The following TENM4 variants were observed in gnomAD, a reference collection of about 807,000 sequenced individuals.
TENM4 encodes the protein teneurin-4.
Under a neutral mutation model 243.3 loss-of-function variants are expected in TENM4, and 82 were observed. The observed-to-expected ratio is 0.34, with a 90% CI of 0.28 to 0.40. The LOEUF (loss-of-function observed/expected upper bound fraction) is 0.40, where lower values mean the gene tolerates loss of function less well. Among genes scored for constraint, TENM4 ranks in the 10% least tolerant of loss-of-function variants. TENM4 has a pLI of 1.00. For synonymous variants in TENM4, 1,412 were observed against 1,456.3 expected, an observed-to-expected ratio of 0.97 and a Z score of 0.69; for missense variants, 3,138 against 3,673.3, an observed-to-expected ratio of 0.85 and a Z score of 3.77.
intron 12 of TENM4, among the ~76,000 whole-genome samples, chr11:78,817,772 G>GGT (rs1428560833): frequency 1.3e-5 from 2 of 152,210 alleles, no homozygotes; most frequent in Non-Finnish European, 2.9e-5. Flanking sequence ...CTGGCTTCCA[G>GGT]GTGTTGTCCT....
At chr11:79,263,053 G>A (rs984127817) in intron 2 of TENM4, among the ~76,000 whole-genome samples, 1 of 152,188 alleles carries the variant, frequency 6.6e-6, no homozygotes, top group Non-Finnish European at 1.5e-5. Context: ...AGAGGAAGAT[G>A]GAAAGCATTT....
chr11:79,029,574 C>A (rs7931496), intron 6 of TENM4, among the ~76,000 whole-genome samples: 1 of 151,928 alleles, frequency 6.6e-6, no homozygotes, highest in Admixed American at 6.6e-5. Flanking sequence ...TCTTGGAAAC[C>A]CAAGAGCCCC....
chr11:79,098,590 G>A (rs1274689957), intron 4 of TENM4, among the ~76,000 whole-genome samples: 3 of 152,158 alleles, frequency 2.0e-5, no homozygotes, highest in Non-Finnish European at 2.9e-5. Flanking sequence ...TCGAGTAACC[G>A]GGAGCTCATG....
intron 1 of TENM4, among the ~76,000 whole-genome samples, chr11:79,333,633 T>C (rs1039293954): frequency 3.9e-5 from 6 of 152,182 alleles, no homozygotes; most frequent in Admixed American, 6.5e-5. Context: ...ACCATAACAA[T>C]TGTTTTCACA....
chr11:79,077,809 G>C lies in TENM4; in HGVS notation c.-65-7800C>G, dbSNP rs146175753. Among the ~76,000 whole-genome samples, 310 of 152,344 alleles carry C rather than the reference G, an allele frequency of 2.0e-3. 2 individuals are homozygous for C. The highest frequency in any genetic ancestry group is 3.1e-3 in the Non-Finnish European group (209 of 68,026). On this transcript the variant is annotated intron_variant, in intron 4 of 33. Transcript: ENST00000278550. ...CCTACATGGTAAATGTAAGTGGACA[G>C]TAAAATGCAAAATGCATGTGGCAGA...
At chr11:79,242,050 A>G (rs1214398162) in intron 2 of TENM4, among the ~76,000 whole-genome samples, 1 of 152,202 alleles carries the variant, frequency 6.6e-6, no homozygotes, top group Non-Finnish European at 1.5e-5. Context: ...CTCAATTAAG[A>G]TCAGTTAGAA....
chr11:79,404,484 TAC>T (rs538953352), intron 1 of TENM4, among the ~76,000 whole-genome samples: 1 of 152,300 alleles, frequency 6.6e-6, no homozygotes, highest in South Asian at 2.1e-4. Context: ...GCTGAATAGG[TAC>T]AGTTTCCTTT....
At chr11:79,256,840 A>G (rs1431436063) in intron 2 of TENM4, among the ~76,000 whole-genome samples, 1 of 152,170 alleles carries the variant, frequency 6.6e-6, no homozygotes, top group East Asian at 1.9e-4. Context: ...GTGGAAACTC[A>G]GTTACGTTAC....
chr11:79,402,676 C>G (rs1472588682), intron 1 of TENM4, among the ~76,000 whole-genome samples: 2 of 152,268 alleles, frequency 1.3e-5, no homozygotes, highest in East Asian at 3.9e-4. Flanking sequence ...ACAAACACCT[C>G]TCCTCTGCAG....
chr11:78,783,625 C>T (rs772945330), intron 16 of TENM4, among the ~76,000 whole-genome samples: 1 of 152,118 alleles, frequency 6.6e-6, no homozygotes, highest in African/African-American at 2.4e-5. Context: ...TTACCAAAGA[C>T]CCTTCTTCAA....
chr11:78,848,301 C>G (rs1858451009), intron 12 of TENM4, among the ~76,000 whole-genome samples: 1 of 152,116 alleles, frequency 6.6e-6, no homozygotes, highest in Non-Finnish European at 1.5e-5. Context: ...GCGATAGTGC[C>G]TAATACTTAA....
chr11:78,975,155 G>A (rs965429432), intron 6 of TENM4, among the ~76,000 whole-genome samples: 9 of 146,828 alleles, frequency 6.1e-5, no homozygotes, highest in Admixed American at 6.1e-4. Context: ...GAGAAAAGCT[G>A]TGAGGGAGGT....
At chr11:79,068,960 C>T (rs181286343) in intron 5 of TENM4, among the ~76,000 whole-genome samples, 139 of 152,244 alleles carry the variant, frequency 9.1e-4, no homozygotes, top group Non-Finnish European at 1.1e-3. Flanking sequence ...CATCTGGCTG[C>T]AGTACAGAGA....
intron 5 of TENM4, among the ~76,000 whole-genome samples, chr11:79,065,485 T>C (rs191112046): frequency 2.8e-3 from 421 of 152,316 alleles, no homozygotes; most frequent in African/African-American, 9.8e-3. Context: ...CTTGTTAAAA[T>C]GAATTGAGGG....
intron 3 of TENM4, among the ~76,000 whole-genome samples, chr11:79,171,988 G>A (rs540640397): frequency 3.9e-5 from 6 of 152,302 alleles, no homozygotes; most frequent in East Asian, 1.9e-4. Context: ...GTCTTGCTCC[G>A]TTACTTAGGC....
intron 4 of TENM4, among the ~76,000 whole-genome samples, chr11:79,133,927 G>T (rs924483557): frequency 6.6e-6 from 1 of 152,062 alleles, no homozygotes; most frequent in South Asian, 2.1e-4. Flanking sequence ...TTCCTTCTGA[G>T]AACTGGAATA....
chr11:78,999,076 T>C (rs1858249160), intron 6 of TENM4, among the ~76,000 whole-genome samples: 1 of 152,174 alleles, frequency 6.6e-6, no homozygotes, highest in African/African-American at 2.4e-5. Flanking sequence ...ACAGTCTCTG[T>C]CCATCTGTCC....
In TENM4 at chr11:79,438,196, C is replaced by G. The variant is rs1205374537; in HGVS notation, c.-321+2313G>C. Among the ~76,000 whole-genome samples, 1 of 152,150 alleles carries G rather than the reference C, an allele frequency of 6.6e-6. No homozygotes were observed. Among genetic ancestry groups the G allele is most frequent in the Non-Finnish European group, 1.5e-5 (1 of 68,028 alleles). On this transcript the variant is annotated intron_variant, in intron 1 of 33. Coordinates refer to ENST00000278550, the MANE Select transcript of TENM4 (RefSeq NM_001098816.3). This position sits in a 1 kb window ranked among gnomAD's most constrained non-coding sequence, Gnocchi z 4.1. ...GAGTTCAGGGCCAATGTGTCCCAGA[C>G]TTCAGCGTTCCCCACGGCTGTGTCA...
At chr11:79,018,193 T>C (rs937295817) in intron 6 of TENM4, among the ~76,000 whole-genome samples, 1 of 152,196 alleles carries the variant, frequency 6.6e-6, no homozygotes, top group African/African-American at 2.4e-5. Context: ...GATGACCACA[T>C]GTTCCAGTTG....
Sources: allele counts gnomAD v4.1 joint callset (sites outside exome capture counted in the v4.1 genomes callset), GRCh38; gene constraint gnomAD v4.1.1; non-coding constraint Gnocchi (gnomAD v3.1); transcripts MANE v1.5; gene names NCBI Gene and HGNC (gene_info 2026-07-23, HGNC 2026-07-21).